Variants in CPPED1 observed in about 807,000 individuals in gnomAD.
CPPED1 encodes calcineurin like phosphoesterase domain containing 1.
In CPPED1, 28 loss-of-function variants were observed where a neutral mutation model predicts 28.0. The observed-to-expected ratio is 1.00, with a 90% CI of 0.74 to 1.37. The LOEUF (loss-of-function observed/expected upper bound fraction) is 1.37. Among genes scored for constraint, CPPED1 ranks in the 40% most tolerant of loss-of-function variants. The pLI is 0.00. For synonymous variants in CPPED1, 198 were observed against 180.2 expected (o/e 1.10, Z -0.79); for missense variants, 504 against 416.5 (o/e 1.21, Z -1.83).
At chr16:12,738,944 T>A (rs2080240371) in intron 2 of CPPED1, among the ~76,000 whole-genome samples, 1 of 152,152 alleles carries the variant, frequency 6.6e-6, no homozygotes, top group Non-Finnish European at 1.5e-5. Flanking sequence ...ATGAAGGAGT[T>A]TTCCTACTCT....
chr16:12,776,915 T>C (rs2080501439), intron 2 of CPPED1, among the ~76,000 whole-genome samples: 1 of 152,050 alleles, frequency 6.6e-6, no homozygotes. Flanking sequence ...TGAGACTCCA[T>C]CTCAAAAAAA....
intron 3 of CPPED1, among the ~76,000 whole-genome samples, chr16:12,680,591 GGAA>G (rs2079899622): frequency 6.6e-6 from 1 of 152,134 alleles, no homozygotes; most frequent in Non-Finnish European, 1.5e-5. Flanking sequence ...CAGCCCCCAG[GGAA>G]GAAGGAGTCT....
intron 2 of CPPED1, chr16:12,753,825 G>C (rs1169837285): frequency 6.6e-6 from 1 of 152,082 alleles, no homozygotes; most frequent in East Asian, 1.9e-4. Context: ...ATAAAGTGTA[G>C]CTTTCTGAGG....
At chr16:12,707,289 A>G (rs1182562550) in intron 2 of CPPED1, among the ~76,000 whole-genome samples, 1 of 152,116 alleles carries the variant, frequency 6.6e-6, no homozygotes, top group Non-Finnish European at 1.5e-5. Flanking sequence ...GGATTTTGGG[A>G]TATTCAATCA....
chr16:12,707,505 TG>T (rs1413398807), intron 2 of CPPED1, among the ~76,000 whole-genome samples: 4 of 152,150 alleles, frequency 2.6e-5, no homozygotes, highest in African/African-American at 9.7e-5. Flanking sequence ...AGACACAGGA[TG>T]AGGACTTTAT....
intron 2 of CPPED1, among the ~76,000 whole-genome samples, chr16:12,778,841 C>T (rs2080513247): frequency 2.0e-5 from 3 of 152,044 alleles, no homozygotes; most frequent in Admixed American, 2.0e-4. Flanking sequence ...CAATTAAAAC[C>T]CCAGAAAACA....
chr16:12,711,367 G>A (rs894734005), intron 2 of CPPED1, among the ~76,000 whole-genome samples: 5 of 152,166 alleles, frequency 3.3e-5, no homozygotes, highest in Non-Finnish European at 7.3e-5. Context: ...TGGGCACAGA[G>A]TTTCCATTTT....
Position 12,662,775 on chromosome 16 carries a change from C to T in CPPED1, c.*2111G>A, listed in dbSNP as rs2079802825. On this transcript the variant is annotated 3_prime_UTR_variant, in exon 4 of 4. Coordinates refer to ENST00000381774, the MANE Select transcript of CPPED1 (RefSeq NM_018340.3). ...ACATACCACATGTTCTTTATCCAATCATCTGTTGATGTGATTCCCTTTTCT... is the reference window on the plus strand; with the variant it reads ...ACATACCACATGTTCTTTATCCAATTATCTGTTGATGTGATTCCCTTTTCT... 6.6e-6 allele frequency: 1 copy of T among 152,220 alleles called. No individual in the cohort carries two copies. Among genetic ancestry groups the T allele is most frequent in the Non-Finnish European group, 1.5e-5 (1 of 68,036 alleles). 9.4% of individuals were successfully genotyped at this position (152,220 alleles called of 1,614,324 possible). A position where few individuals can be genotyped will look rare whatever the true frequency, so the allele number is the denominator to read the frequency against.
At chr16:12,754,785 A>G (rs2080354236) in intron 2 of CPPED1, among the ~76,000 whole-genome samples, 1 of 152,172 alleles carries the variant, frequency 6.6e-6, no homozygotes, top group African/African-American at 2.4e-5. Flanking sequence ...GATCACCTGA[A>G]ACCAGGAGTT....
chr16:12,754,557 G>T (rs528498695), intron 2 of CPPED1, among the ~76,000 whole-genome samples: 47 of 152,298 alleles, frequency 3.1e-4, no homozygotes, highest in African/African-American at 1.1e-3. Context: ...AAAGCATCCA[G>T]TGCAGAGTCC....
intron 2 of CPPED1, among the ~76,000 whole-genome samples, chr16:12,705,887 T>A (rs910646608): frequency 6.6e-6 from 1 of 152,208 alleles, no homozygotes; most frequent in African/African-American, 2.4e-5. Flanking sequence ...TGGTTCAAAT[T>A]TTCTGTGTCA....
rs189529745 is a variant in CPPED1, at chr16:12,670,011, C to T, written c.716-4896G>A. On this transcript the variant is annotated intron_variant, in intron 3 of 3. Transcript: ENST00000381774. The surrounding 1 kb of genome is among the most constrained non-coding windows in gnomAD (Gnocchi z 4.2). ...ACAACCCACAGTATAAAAAAATCCA[C>T]GAGGCGGCCAGGCACATTGACTCAT... 3.9e-5 allele frequency among the ~76,000 whole-genome samples: 6 copies of T among 152,252 alleles called. No homozygotes were observed. The highest frequency in any genetic ancestry group is 3.9e-4 in the East Asian group (2 of 5,184).
At position 12,664,999 on chromosome 16, in the gene CPPED1, GC is replaced by G; in HGVS notation, c.831del (p.Leu278SerfsTer18). 1 of 1,611,352 alleles carries G rather than the reference GC, an allele frequency of 6.2e-7. No homozygotes were observed. Among genetic ancestry groups the G allele is most frequent in the Non-Finnish European group, 8.5e-7 (1 of 1,179,128 alleles). On this transcript the variant is annotated frameshift_variant, in exon 4 of 4. Transcript: ENST00000381774. LOFTEE classifies it high-confidence loss of function. The surrounding 1 kb of genome is among the most constrained non-coding windows in gnomAD (Gnocchi z 4.2). Reference sequence around the variant, plus strand: ...TCGGCGGTGACCACCACGACTCGGAGCCCGTGGGGGTCTCTGCCCAGCTGGC... The same window carrying G: ...TCGGCGGTGACCACCACGACTCGGAGCCGTGGGGGTCTCTGCCCAGCTGGC... The part of the protein sequence containing the change: ...IGCQLGRDPH[G>X]LRVVVVTAEK...
rs140139471 is a variant in CPPED1, at chr16:12,697,078, G to A, written c.715+7546C>T. ...CTTGCTCTGTTGCCCAGATTGGAGTGCAGTGGCGCAATCTCAGCTCACTGT... is the reference window on the plus strand; with the variant it reads ...CTTGCTCTGTTGCCCAGATTGGAGTACAGTGGCGCAATCTCAGCTCACTGT... On this transcript the variant is annotated intron_variant, in intron 3 of 3. Transcript: ENST00000381774. Among the ~76,000 whole-genome samples the A allele has an allele frequency of 9.7e-4, 148 of 152,174 alleles. 1 individual carries two copies. Among genetic ancestry groups the A allele is most frequent in the African/African-American group, 3.5e-3 (145 of 41,522 alleles).
chr16:12,685,115 C>T lies in CPPED1; in HGVS notation c.715+19509G>A, dbSNP rs551291734. 2.6e-5 allele frequency among the ~76,000 whole-genome samples: 4 copies of T among 152,342 alleles called. No individual in the cohort carries two copies. The East Asian group carries it at 7.7e-4, about 29-fold the overall frequency. On this transcript the variant is annotated intron_variant, in intron 3 of 3. Coordinates refer to ENST00000381774, the MANE Select transcript of CPPED1 (RefSeq NM_018340.3). ...AAATGTCAAATGACAAGCGACTGCA[C>T]CTCGCTGTACATTGTTTCTTCAATT...
At chr16:12,783,133 C>T (rs1442459592) in intron 1 of CPPED1, among the ~76,000 whole-genome samples, 2 of 152,094 alleles carry the variant, frequency 1.3e-5, no homozygotes. Context: ...GGGAGATGAG[C>T]AAGTAAACAA....
In CPPED1 at chr16:12,776,441, A is replaced by T. The variant is rs141063832; in HGVS notation, c.289+4744T>A. Among the ~76,000 whole-genome samples, 1,004 of 152,294 alleles carry T rather than the reference A, an allele frequency of 6.6e-3. 11 individuals carry two copies. Among genetic ancestry groups the T allele is most frequent in the African/African-American group, 0.022 (928 of 41,570 alleles). ...TTTGCTGTGGTCTCACTCAAATCTC[A>T]ACTTGAATTGTAGCTCCCACAATTC... On this transcript the variant is annotated intron_variant, in intron 2 of 3. Transcript: ENST00000381774.
Position 12,704,998 on chromosome 16 carries a change from G to A in CPPED1, c.341C>T (p.Ala114Val), listed in dbSNP as rs1001535667. Residue 114 changes from alanine to valine, a missense_variant, in exon 3 of 4, where the codon GCA becomes GTA. Ala to Val is a moderately conservative substitution (Grantham distance 64, BLOSUM62 0). Transcript: ENST00000381774. The part of the protein sequence containing the change: ...QTEDLKRVLR[A>V]VDRAIPLVLV... The stretch of plus-strand genomic sequence containing the variant: ...GACCAGTGGGATGGCCCTGTCCACT[G>A]CCCTAAGCACTCGCTTCAGGTCCTC... 1.2e-6 allele frequency: 2 copies of A among 1,614,026 alleles called. No individual in the cohort carries two copies. Among genetic ancestry groups the A allele is most frequent in the Non-Finnish European group, 1.7e-6 (2 of 1,180,004 alleles).
chr16:12,716,491 C>A (rs747840845), intron 2 of CPPED1, among the ~76,000 whole-genome samples: 2 of 152,208 alleles, frequency 1.3e-5, no homozygotes, highest in Admixed American at 1.3e-4. Flanking sequence ...GTCAGATCCA[C>A]GAACAAGTCT....
Sources: allele counts gnomAD v4.1 joint callset (sites outside exome capture counted in the v4.1 genomes callset), GRCh38; gene constraint gnomAD v4.1.1; non-coding constraint Gnocchi (gnomAD v3.1); transcripts MANE v1.5; gene names NCBI Gene and HGNC (gene_info 2026-07-23, HGNC 2026-07-21).